The following PSMD8 variants were observed in gnomAD, a reference collection of about 807,000 sequenced individuals.
PSMD8 encodes proteasome 26S subunit, non-ATPase 8.
A neutral mutation model predicts 40.0 loss-of-function variants in PSMD8; 30 were observed. The observed-to-expected ratio is 0.75, with a 90% confidence interval of 0.56 to 1.02. The LOEUF is 1.02. PSMD8 is among the 50% of genes least tolerant of loss of function. PSMD8 has a pLI of 0.00. For missense variants in PSMD8, 461 were observed against 463.9 expected, an observed-to-expected ratio of 0.99 and a Z score of 0.06; for synonymous variants, 208 against 192.5, an observed-to-expected ratio of 1.08 and a Z score of -0.67.
At chr19:38,378,258 A>G (rs1970612831) in intron 3 of PSMD8, among the ~76,000 whole-genome samples, 1 of 152,178 alleles carries the variant, frequency 6.6e-6, no homozygotes, top group African/African-American at 2.4e-5. Context: ...CTGTAATCCC[A>G]GCACTTTGGG....
In PSMD8 at chr19:38,380,689, T is replaced by TGAGAGAGAGA. The variant is rs374592990; in HGVS notation, c.703-200_703-191dup. 5.6e-3 allele frequency among the ~76,000 whole-genome samples: 571 copies of TGAGAGAGAGA among 101,446 alleles called. 5 individuals carry two copies. The highest frequency in any genetic ancestry group is 0.015 in the African/African-American group (428 of 28,624). 66.6% of individuals were successfully genotyped at this position (101,446 alleles called of 152,430 possible). ...GAGGGAGGGAGGGAGGAAGAGGGGG[T>TGAGAGAGAGA]GAGAGAGAGAGAGAGAGAGTGTGTG... On this transcript the variant is annotated intron_variant, in intron 4 of 6. Coordinates refer to ENST00000215071, the MANE Select transcript of PSMD8 (RefSeq NM_002812.5).
At chr19:38,375,351 A>G in intron 1 of PSMD8, 1 of 234,276 alleles carries the variant, frequency 4.3e-6, no homozygotes, top group Non-Finnish European at 8.6e-6. Flanking sequence ...TGGAAGACTT[A>G]TGGCAGAACT....
At chr19:38,380,472 C>T (rs888267690) in intron 4 of PSMD8, among the ~76,000 whole-genome samples, 1 of 152,042 alleles carries the variant, frequency 6.6e-6, no homozygotes. Flanking sequence ...CTGGAGCTGA[C>T]ATCTTATGGG....
At chr19:38,378,023 A>T (rs1208911495) in intron 3 of PSMD8, among the ~76,000 whole-genome samples, 1 of 152,224 alleles carries the variant, frequency 6.6e-6, no homozygotes, top group Non-Finnish European at 1.5e-5. Flanking sequence ...GGGTTGAATC[A>T]TTTAATTCAC....
Position 38,379,302 on chromosome 19 carries a change from T to C in PSMD8, c.599T>C (p.Leu200Pro). ...TTGGGCCTCAACCTCCTCTTCCTGC[T>C]GTCCCAGAACCGGGTGGCTGAGTTC... ...QLLGLNLLFL[L>P]SQNRVAEFHT... is the part of the protein sequence containing the mutation. Residue 200 changes from leucine (L) to proline (P), a missense_variant, in exon 4 of 7, where the codon CTG (leucine) becomes CCG (proline). Physicochemically the swap from Leu to Pro is moderately conservative, Grantham distance 98. This residue lies in a region of PSMD8 where 236 missense variants were observed against 321.2 expected (regional missense o/e 0.73). Coordinates refer to ENST00000215071, the MANE Select transcript of PSMD8 (RefSeq NM_002812.5). 1 of 1,614,010 alleles carries C rather than the reference T, an allele frequency of 6.2e-7. No individual in the cohort carries two copies.
intron 4 of PSMD8, 114 bp from the exon 5 acceptor site, chr19:38,380,785 G>A: frequency 1.3e-6 from 1 of 761,378 alleles, no homozygotes; most frequent in Non-Finnish European, 2.1e-6. Flanking sequence ...CAGGGGTGTG[G>A]CTGTGTGGCA....
chr19:38,380,732 G>GCGCGCGTGCGCGCGTGTGTGCA (rs1375835688), intron 4 of PSMD8, among the ~76,000 whole-genome samples, 167 bp from the exon 5 acceptor site: 6 of 151,684 alleles, frequency 4.0e-5, no homozygotes, highest in Admixed American at 3.3e-4. Context: ...GTGTGTGTGC[G>GCGCGCGTGCGCGCGTGTGTGCA]CATAAACCAG....
chr19:38,383,204 G>A, intron 6 of PSMD8, 49 bp from the exon 7 acceptor site: 1 of 1,610,276 alleles, frequency 6.2e-7, no homozygotes, highest in Non-Finnish European at 8.5e-7. Context: ...GGGTGGGGAT[G>A]GAGCCTTTGT....
chr19:38,377,412 G>A (rs1442360285), intron 3 of PSMD8, among the ~76,000 whole-genome samples: 1 of 151,938 alleles, frequency 6.6e-6, no homozygotes, highest in Non-Finnish European at 1.5e-5. Context: ...GGCTGGTCTC[G>A]AACTCCTGGC....
In PSMD8 at chr19:38,374,610, T is replaced by G; in HGVS notation, c.9T>G (p.Ile3Met). 6.8e-7 allele frequency: 1 copy of G among 1,481,392 alleles called. No individual in the cohort carries two copies. Among genetic ancestry groups the G allele is most frequent in the Non-Finnish European group, 8.9e-7 (1 of 1,121,624 alleles). 91.8% of individuals were successfully genotyped at this position (1,481,392 alleles called of 1,614,324 possible). The change falls in exon 1 of 7, where the codon ATT (isoleucine) becomes ATG (methionine). Residue 3 changes from isoleucine to methionine, a missense_variant. Coordinates refer to ENST00000215071, the MANE Select transcript of PSMD8 (RefSeq NM_002812.5). ...GCGGAGCTCCAACTGACATGTTCAT[T>G]AAGGGCAGGGCTCCGAGGGCGCCAC... Reference protein sequence around the residue: MFIKGRAPRAPPR... With the variant: MFMKGRAPRAPPR...
chr19:38,374,747 G>A lies in PSMD8; in HGVS notation c.146G>A (p.Arg49Gln). The A allele has an allele frequency of 6.4e-7, 1 of 1,555,846 alleles. No individual in the cohort carries two copies. The highest frequency in any genetic ancestry group is 1.2e-5 in the South Asian group (1 of 85,288). Reference protein sequence around the residue: ...PHFRRASVCRRRCRKSGGLLA... With the variant: ...PHFRRASVCRQRCRKSGGLLA... ...TTCCGCCGGGCAAGCGTTTGTAGGC[G>A]GCGCTGCCGTAAATCAGGCGGTCTG... The change falls in exon 1 of 7, where the codon CGG becomes CAG. Residue 49 changes from arginine (R) to glutamine (Q), a missense_variant. Around this residue, in one of 2 missense-constraint regions of PSMD8, gnomAD observed 225 missense variants for 142.7 expected, o/e 1.58. Coordinates refer to ENST00000215071, the MANE Select transcript of PSMD8 (RefSeq NM_002812.5).
At position 38,383,580 on chromosome 19, in the gene PSMD8, C is replaced by T. The variant is rs1970662257; in HGVS notation, c.*190C>T. 3 of 745,752 alleles carry T rather than the reference C, an allele frequency of 4.0e-6. No homozygotes were observed. The highest frequency in any genetic ancestry group is 6.4e-6 in the Non-Finnish European group (3 of 469,492). 46.2% of individuals were successfully genotyped at this position (745,752 alleles called of 1,614,324 possible). A position where few individuals can be genotyped will look rare whatever the true frequency, so the allele number is the denominator to read the frequency against. Reference sequence around the variant, plus strand: ...GGGGCATTCAGGAGTTGGAGATAGCCTCCAACTGGGTCAGCCTCTGTCTGG... The same window carrying T: ...GGGGCATTCAGGAGTTGGAGATAGCTTCCAACTGGGTCAGCCTCTGTCTGG... On this transcript the variant is annotated 3_prime_UTR_variant, in exon 7 of 7. Coordinates refer to ENST00000215071, the MANE Select transcript of PSMD8 (RefSeq NM_002812.5).
chr19:38,376,681 G>A (rs1000758919), intron 3 of PSMD8, among the ~76,000 whole-genome samples: 1 of 152,190 alleles, frequency 6.6e-6, no homozygotes, highest in Non-Finnish European at 1.5e-5. Context: ...GCCCAGTGGG[G>A]CTGCCATCAC....
chr19:38,379,516 G>T, intron 4 of PSMD8, 111 bp downstream of exon 4: 2 of 1,184,388 alleles, frequency 1.7e-6, no homozygotes, highest in South Asian at 2.8e-5. Context: ...TTCCACCCAC[G>T]GACCCATCCT....
rs1040744035 is a variant in PSMD8 at position 38,374,599 on chromosome 19, G to C, written c.-3G>C. ...TGACGACAGAGGCGGAGCTCCAACT[G>C]ACATGTTCATTAAGGGCAGGGCTCC... On this transcript the variant is annotated 5_prime_UTR_variant, in exon 1 of 7. Transcript: ENST00000215071. 6.8e-7 allele frequency: 1 copy of C among 1,467,912 alleles called. No homozygotes were observed. The highest frequency in any genetic ancestry group is 1.4e-5 in the African/African-American group (1 of 69,138). 90.9% of individuals were successfully genotyped at this position (1,467,912 alleles called of 1,614,324 possible). A position where few individuals can be genotyped will look rare whatever the true frequency, so the allele number is the denominator to read the frequency against.
rs1313791361 is a variant in PSMD8, at chr19:38,381,111, GT to G, written c.803+115del. 12 of 828,844 alleles carry G rather than the reference GT, an allele frequency of 1.4e-5. No individual in the cohort carries two copies. In the East Asian group the frequency reaches 3.3e-4, roughly 23 times the overall value. The allele number at this position is 828,844 out of a possible 1,614,324, so 51.3% of individuals were successfully genotyped here. A position where few individuals can be genotyped will look rare whatever the true frequency, so the allele number is the denominator to read the frequency against. Reference sequence around the variant, plus strand: ...TTGGTTGTCTGGGTAGGCTAGGTGTGTTTCTTATCCTCCTAGCACCTCAGCT... The same window carrying G: ...TTGGTTGTCTGGGTAGGCTAGGTGTGTTCTTATCCTCCTAGCACCTCAGCT... On this transcript the variant is annotated intron_variant, in intron 5 of 6. Transcript: ENST00000215071.
intron 4 of PSMD8, among the ~76,000 whole-genome samples, chr19:38,380,693 A>AGAGAGAGC (rs1352808192): frequency 1.7e-5 from 2 of 115,598 alleles, no homozygotes; most frequent in East Asian, 6.7e-4. Flanking sequence ...AGGGGGTGAG[A>AGAGAGAGC]GAGAGAGAGA....
chr19:38,381,225 G>A (rs550650596), intron 5 of PSMD8: 10 of 475,922 alleles, frequency 2.1e-5, no homozygotes, highest in Admixed American at 3.9e-5. Flanking sequence ...GTGTGGCCAC[G>A]TGTGTCAAAC....
chr19:38,376,079 A>G (rs535232576), intron 1 of PSMD8, 81 bp from the exon 2 acceptor site: 16 of 1,358,492 alleles, frequency 1.2e-5, no homozygotes, highest in East Asian at 2.5e-5. Flanking sequence ...TCCAAGTGGG[A>G]AGACCAGAGC....
Sources: gnomAD v4.1 joint callset for allele counts (sites outside exome capture counted in the v4.1 genomes callset) on GRCh38, gnomAD v4.1.1 for gene constraint, gnomAD v4.1.1 regional missense constraint, MANE v1.5 for transcripts, NCBI Gene and HGNC (gene_info 2026-07-23, HGNC 2026-07-21) for gene names.